The following RERE variants were observed in gnomAD, a reference collection of about 807,000 sequenced individuals.
RERE encodes arginine-glutamic acid dipeptide repeats protein.
RERE carries 40 observed loss-of-function variants against 146.1 expected under a neutral mutation model. That is an observed-to-expected ratio of 0.27 (90% confidence interval 0.21 to 0.36). The LOEUF (loss-of-function observed/expected upper bound fraction) is 0.36, where lower values mean the gene tolerates loss of function less well. Among genes scored for constraint, RERE ranks in the 10% least tolerant of loss-of-function variants. The pLI is 1.00. For missense variants in RERE, 1,933 were observed against 2,138.7 expected, an observed-to-expected ratio of 0.90 and a Z score of 1.90; for synonymous variants, 1,003 against 866.0, an observed-to-expected ratio of 1.16 and a Z score of -2.78.
At chr1:8,624,493 G>GT (rs1156634384) in intron 2 of RERE, 113 bp from the exon 3 acceptor site, 1 of 644,872 alleles carries the variant, frequency 1.6e-6, no homozygotes, top group African/African-American at 1.9e-5. Flanking sequence ...ATCTTTTATT[G>GT]TAAATTTTTT....
chr1:8,575,563 T>TATATATATATA (rs903438773), intron 4 of RERE, among the ~76,000 whole-genome samples: 6 of 84,784 alleles, frequency 7.1e-5, no homozygotes, highest in South Asian at 6.9e-4. Context: ...ATATATATAT[T>TATATATATATA]TTTTTTTTTT....
intron 12 of RERE, among the ~76,000 whole-genome samples, chr1:8,383,926 T>C (rs1446570814): frequency 6.6e-6 from 1 of 151,622 alleles, no homozygotes; most frequent in African/African-American, 2.4e-5. Context: ...ATGAATTCTA[T>C]TGCCGAATTT....
chr1:8,530,159 T>C (rs937782447), intron 7 of RERE, among the ~76,000 whole-genome samples: 1 of 152,202 alleles, frequency 6.6e-6, no homozygotes, highest in Non-Finnish European at 1.5e-5. Context: ...GTGATCCCCA[T>C]GTACATCTAT....
Position 8,364,977 on chromosome 1 carries a change from T to C in RERE, c.1448-139A>G, listed in dbSNP as rs1315248355. On this transcript the variant is annotated intron_variant, in intron 13 of 22. Transcript: ENST00000400908. This position sits in a 1 kb window ranked among gnomAD's most constrained non-coding sequence, Gnocchi z 5.1. Reference sequence around the variant, plus strand: ...GGTTCTGGCCACCAGTCAGAGCGGCTGGGTGCACAGGCTGAGGTAGGACAG... The same window carrying C: ...GGTTCTGGCCACCAGTCAGAGCGGCCGGGTGCACAGGCTGAGGTAGGACAG... 9 of 674,086 alleles carry C rather than the reference T, an allele frequency of 1.3e-5. No individual in the cohort carries two copies. The highest frequency in any genetic ancestry group is 8.8e-5 in the African/African-American group (5 of 56,990). The allele number at this position is 674,086 out of a possible 1,614,324, so 41.8% of individuals were successfully genotyped here.
chr1:8,564,826 A>ATGTGTGTGTG (rs796133984), intron 4 of RERE, among the ~76,000 whole-genome samples: 3,681 of 117,220 alleles, frequency 0.031, 104 homozygotes, highest in East Asian at 0.096. Context: ...GTGTGTGTAT[A>ATGTGTGTGTG]TGTGTATGTG....
chr1:8,657,121 T>C (rs1250277489), intron 1 of RERE, among the ~76,000 whole-genome samples: 1 of 151,864 alleles, frequency 6.6e-6, no homozygotes, highest in Non-Finnish European at 1.5e-5. Context: ...GCTAATGTGG[T>C]AAAACCCTGT....
intron 6 of RERE, among the ~76,000 whole-genome samples, chr1:8,545,703 A>G (rs1645851165): frequency 7.6e-6 from 1 of 130,724 alleles, no homozygotes; most frequent in Non-Finnish European, 1.6e-5. Context: ...TTTTTTTTTG[A>G]GACAGAGTCT....
intron 12 of RERE, among the ~76,000 whole-genome samples, chr1:8,383,395 T>C (rs189259433): frequency 9.9e-5 from 15 of 151,948 alleles, no homozygotes; most frequent in Admixed American, 2.6e-4. Context: ...TGCCAATCTA[T>C]ATCAGGCAAC....
At chr1:8,405,979 GAAA>G (rs553474310) in intron 12 of RERE, among the ~76,000 whole-genome samples, 1 of 151,942 alleles carries the variant, frequency 6.6e-6, no homozygotes, top group Non-Finnish European at 1.5e-5. Context: ...TTTCAAGGGG[GAAA>G]AAAATTACTA....
At chr1:8,592,430 C>T (rs1646506654) in intron 4 of RERE, among the ~76,000 whole-genome samples, 1 of 152,056 alleles carries the variant, frequency 6.6e-6, no homozygotes. Flanking sequence ...ACCACCATGC[C>T]CGGCTAATTT....
chr1:8,554,479 G>C (rs1645979952), intron 6 of RERE, among the ~76,000 whole-genome samples: 1 of 151,824 alleles, frequency 6.6e-6, no homozygotes, highest in Admixed American at 6.6e-5. Context: ...TTAAGTTTAG[G>C]AGTTCAAGAC....
chr1:8,795,314 G>A lies in RERE; in HGVS notation c.-145+21846C>T, dbSNP rs186573718. Among the ~76,000 whole-genome samples, 445 of 151,382 alleles carry A rather than the reference G, an allele frequency of 2.9e-3. 3 individuals are homozygous for A. Among genetic ancestry groups the A allele is most frequent in the African/African-American group, 0.01 (424 of 41,302 alleles). On this transcript the variant is annotated intron_variant, in intron 1 of 22. Transcript: ENST00000400908. ...GCTGGGATTACAGGTGTAAGCCACC[G>A]CCCCCGGCCCCCCACTTTTTTTTTT...
chr1:8,355,161 T>G (rs746631856), intron 22 of RERE, 41 bp from the exon 23 acceptor site: 2 of 1,608,422 alleles, frequency 1.2e-6, no homozygotes, highest in Non-Finnish European at 1.7e-6. Context: ...GTCTCAGGCC[T>G]AGGCAGGCAG....
At chr1:8,477,145 T>C (rs1644766598) in intron 10 of RERE, among the ~76,000 whole-genome samples, 1 of 152,224 alleles carries the variant, frequency 6.6e-6, no homozygotes, top group Non-Finnish European at 1.5e-5. Flanking sequence ...ATCATTTACA[T>C]AGTTAACATG....
rs143923462 is a variant in RERE at position 8,418,998 on chromosome 1, C to T, written c.1284+3729G>A. On this transcript the variant is annotated intron_variant, in intron 12 of 22. Transcript: ENST00000400908. ...CTTAAGACTCTGATGTGGTTTATGA[C>T]AAACAGTGGCTTGACAGAGAAGAGG... Among the ~76,000 whole-genome samples, 1,011 of 152,234 alleles carry T rather than the reference C, an allele frequency of 6.6e-3. 10 individuals are homozygous for T. The highest frequency in any genetic ancestry group is 0.023 in the African/African-American group (959 of 41,530).
intron 10 of RERE, among the ~76,000 whole-genome samples, chr1:8,493,134 G>T (rs1644999651): frequency 6.6e-6 from 1 of 152,120 alleles, no homozygotes; most frequent in Non-Finnish European, 1.5e-5. Context: ...TCCTATCAAA[G>T]ACTTTCTCTT....
intron 4 of RERE, among the ~76,000 whole-genome samples, chr1:8,592,962 T>G (rs1258244250): frequency 6.6e-6 from 1 of 152,192 alleles, no homozygotes; most frequent in Non-Finnish European, 1.5e-5. Context: ...TCTTCACATG[T>G]TTTTCCATCT....
intron 10 of RERE, among the ~76,000 whole-genome samples, chr1:8,485,830 C>T (rs751967403): frequency 1.2e-4 from 18 of 146,140 alleles, no homozygotes; most frequent in Non-Finnish European, 2.5e-4. Flanking sequence ...GATGGAGTCT[C>T]GCTCTATTGG....
At chr1:8,508,763 A>C in intron 7 of RERE, 88 bp from the exon 8 acceptor site, 1 of 1,082,614 alleles carries the variant, frequency 9.2e-7, no homozygotes, top group South Asian at 1.3e-5. Flanking sequence ...AATTCTCTTC[A>C]AATAAATGAG....
Sources: allele counts gnomAD v4.1 joint callset (sites outside exome capture counted in the v4.1 genomes callset), GRCh38; gene constraint gnomAD v4.1.1; non-coding constraint Gnocchi (gnomAD v3.1); transcripts MANE v1.5; gene names NCBI Gene and HGNC (gene_info 2026-07-23, HGNC 2026-07-21).